Variants in PIEZO2 observed in about 807,000 individuals in gnomAD.
The protein encoded by PIEZO2 is piezo-type mechanosensitive ion channel component 2.
Under a neutral mutation model 337.3 loss-of-function variants are expected in PIEZO2, and 172 were observed. The ratio of observed to expected loss-of-function variants is 0.51; its 90% CI spans 0.45 to 0.58. The LOEUF is 0.58. PIEZO2 is among the 20% of genes least tolerant of loss of function. PIEZO2 has a pLI of 0.00. For synonymous variants in PIEZO2, 1,251 were observed against 1,228.5 expected (o/e 1.02, Z -0.38); for missense variants, 3,028 against 3,391.3 (o/e 0.89, Z 2.66).
At chr18:10,974,210 G>A (rs1274778620) in intron 3 of PIEZO2, among the ~76,000 whole-genome samples, 1 of 152,160 alleles carries the variant, frequency 6.6e-6, no homozygotes, top group Non-Finnish European at 1.5e-5. Context: ...CTTGGCACTG[G>A]GAGCCTTGTG....
chr18:10,917,327 T>A (rs1454716280), intron 3 of PIEZO2, among the ~76,000 whole-genome samples: 1 of 152,176 alleles, frequency 6.6e-6, no homozygotes, highest in Non-Finnish European at 1.5e-5. Context: ...CCCTTCAGTC[T>A]TTCTCCTCCC....
chr18:10,892,374 C>T (rs1189672278), intron 4 of PIEZO2, among the ~76,000 whole-genome samples: 1 of 152,066 alleles, frequency 6.6e-6, no homozygotes, highest in African/African-American at 2.4e-5. Context: ...AAAAGCCAGA[C>T]ACAAAAGGCC....
In PIEZO2 at chr18:11,148,561, T is replaced by C; in HGVS notation, c.28A>G (p.Ile10Val). The C allele has an allele frequency of 6.5e-7, 1 of 1,537,180 alleles. No homozygotes were observed. Among genetic ancestry groups the C allele is most frequent in the Non-Finnish European group, 8.7e-7 (1 of 1,146,894 alleles). The change falls in exon 1 of 56, where the codon ATC becomes GTC. Residue 10 changes from isoleucine (I) to valine (V), a missense_variant. Transcript: ENST00000674853. The surrounding 1 kb of genome is among the most constrained non-coding windows in gnomAD (Gnocchi z 5.2). ...CAGATGGGCAGCAGCAGCCTGAAGA[T>C]GAGCCCGCACACCACTTCTGAGGCC... Reference protein sequence around the residue: MASEVVCGLIFRLLLPICLA... With the variant: MASEVVCGLVFRLLLPICLA...
chr18:10,837,348 T>TGAGAATA lies in PIEZO2; in HGVS notation c.917+17998_917+18004dup, dbSNP rs1262003756. On this transcript the variant is annotated intron_variant, in intron 7 of 55. Coordinates refer to ENST00000674853, the MANE Select transcript of PIEZO2 (RefSeq NM_001378183.1). The surrounding 1 kb of genome is among the most constrained non-coding windows in gnomAD (Gnocchi z 4.4). ...CCTGTGAGGGGAACACAGCATCTTC[T>TGAGAATA]GAGAATACCTTTTCCAACTGCAGCC... Among the ~76,000 whole-genome samples, 2 of 152,210 alleles carry TGAGAATA rather than the reference T, an allele frequency of 1.3e-5. No individual in the cohort carries two copies. Among genetic ancestry groups the TGAGAATA allele is most frequent in the Non-Finnish European group, 2.9e-5 (2 of 68,028 alleles).
At chr18:10,812,068 C>T (rs2040211445) in intron 7 of PIEZO2, among the ~76,000 whole-genome samples, 2 of 152,160 alleles carry the variant, frequency 1.3e-5, no homozygotes, top group Admixed American at 6.5e-5. Flanking sequence ...CTCCTGACCT[C>T]GTGATCTGCC....
At chr18:10,799,675 C>A (rs1238879088) in intron 11 of PIEZO2, among the ~76,000 whole-genome samples, 1 of 152,086 alleles carries the variant, frequency 6.6e-6, no homozygotes, top group Non-Finnish European at 1.5e-5. Context: ...AAAAAAAGGA[C>A]TCTTAAAAAA....
chr18:10,785,091 G>A (rs766241941), intron 16 of PIEZO2, 134 bp from the exon 17 acceptor site: 32 of 929,258 alleles, frequency 3.4e-5, no homozygotes, highest in Non-Finnish European at 4.5e-5. Context: ...CTCCCATATG[G>A]TCCAATATGG....
At position 11,083,697 on chromosome 18, in the gene PIEZO2, AG is replaced by A. The variant is rs1302407998; in HGVS notation, c.65-17476del. ...TTTAGGACACTTAGTAGGAATCCTCAGGCAGAAGACTAAGAAAATTTGCAGA... is the reference window on the plus strand; with the variant it reads ...TTTAGGACACTTAGTAGGAATCCTCAGCAGAAGACTAAGAAAATTTGCAGA... On this transcript the variant is annotated intron_variant, in intron 1 of 55. Coordinates refer to ENST00000674853, the MANE Select transcript of PIEZO2 (RefSeq NM_001378183.1). The surrounding 1 kb of genome is among the most constrained non-coding windows in gnomAD (Gnocchi z 4.4). 6.6e-6 allele frequency among the ~76,000 whole-genome samples: 1 copy of A among 152,208 alleles called. No individual in the cohort carries two copies. The highest frequency in any genetic ancestry group is 2.4e-5 in the African/African-American group (1 of 41,458).
intron 3 of PIEZO2, among the ~76,000 whole-genome samples, chr18:10,944,741 A>C (rs1381371892): frequency 1.3e-5 from 2 of 152,052 alleles, no homozygotes; most frequent in Non-Finnish European, 2.9e-5. Context: ...CTTTCAGCCA[A>C]GATGGGTTAT....
chr18:10,744,663 C>T (rs569253567), intron 30 of PIEZO2, among the ~76,000 whole-genome samples: 1 of 152,254 alleles, frequency 6.6e-6, no homozygotes, highest in East Asian at 1.9e-4. Context: ...ACTGGGGATT[C>T]CTTCAGGGAC....
intron 17 of PIEZO2, among the ~76,000 whole-genome samples, chr18:10,782,408 ATATAT>A (rs1420269502): frequency 4.8e-5 from 3 of 62,422 alleles, no homozygotes; most frequent in African/African-American, 1.4e-4. Flanking sequence ...TAATTATATA[ATATAT>A]TATAATTATA....
chr18:10,962,288 G>A lies in PIEZO2; in HGVS notation c.286+17247C>T, dbSNP rs950003510. ...TCGTAGCCCTTCTCCCATCCATTCT[G>A]CATCTCCCCTCCGCTTGCCTGCAGC... On this transcript the variant is annotated intron_variant, in intron 3 of 55. Coordinates refer to ENST00000674853, the MANE Select transcript of PIEZO2 (RefSeq NM_001378183.1). The surrounding 1 kb of genome is among the most constrained non-coding windows in gnomAD (Gnocchi z 4.1). Among the ~76,000 whole-genome samples the A allele has an allele frequency of 1.3e-5, 2 of 152,140 alleles. No individual in the cohort carries two copies. Among genetic ancestry groups the A allele is most frequent in the Admixed American group, 6.5e-5 (1 of 15,270 alleles).
chr18:10,793,113 G>T (rs143528132), intron 13 of PIEZO2, among the ~76,000 whole-genome samples: 70 of 152,266 alleles, frequency 4.6e-4, no homozygotes, highest in African/African-American at 1.6e-3. Context: ...AAAAAAATTA[G>T]CTGGGCGTGG....
Position 11,149,381 on chromosome 18 carries a change from G to T in PIEZO2, c.-793C>A, listed in dbSNP as rs2040896247. Among the ~76,000 whole-genome samples the T allele has an allele frequency of 6.6e-6, 1 of 152,094 alleles. No individual in the cohort carries two copies. Among genetic ancestry groups the T allele is most frequent in the South Asian group, 2.1e-4 (1 of 4,828 alleles). ...CGAAGGAACGGCGCGAGCGTGGGGA[G>T]AAATGGAGACCAGAGCGCATATCGG... On this transcript the variant is annotated 5_prime_UTR_variant, in exon 1 of 56. Coordinates refer to ENST00000674853, the MANE Select transcript of PIEZO2 (RefSeq NM_001378183.1). The surrounding 1 kb of genome is among the most constrained non-coding windows in gnomAD (Gnocchi z 8.7).
chr18:11,063,337 T>C (rs546439368), intron 2 of PIEZO2, among the ~76,000 whole-genome samples: 1,578 of 151,296 alleles, frequency 0.01, 23 homozygotes, highest in Non-Finnish European at 0.014. Flanking sequence ...TGTTAAATGA[T>C]GAGTTAATGG....
At chr18:10,887,462 C>A (rs1007232812) in intron 4 of PIEZO2, among the ~76,000 whole-genome samples, 2 of 152,166 alleles carry the variant, frequency 1.3e-5, no homozygotes, top group African/African-American at 4.8e-5. Context: ...GACCCAAACA[C>A]CTCCCACCAG....
intron 39 of PIEZO2, among the ~76,000 whole-genome samples, chr18:10,714,114 T>C (rs2035920858): frequency 6.6e-6 from 1 of 152,120 alleles, no homozygotes; most frequent in South Asian, 2.1e-4. Context: ...TTTCTTAATC[T>C]CCCTGTAACC....
chr18:11,108,853 C>T (rs1272930149), intron 1 of PIEZO2, among the ~76,000 whole-genome samples: 1 of 152,040 alleles, frequency 6.6e-6, no homozygotes, highest in Non-Finnish European at 1.5e-5. Flanking sequence ...CACACGGTCC[C>T]TCCAGCACAT....
intron 5 of PIEZO2, among the ~76,000 whole-genome samples, chr18:10,858,320 CCAAAAAA>C (rs1391472711): frequency 2.2e-5 from 1 of 46,286 alleles, no homozygotes; most frequent in African/African-American, 1.1e-4. Flanking sequence ...AGACTTCAAC[CCAAAAAA>C]AAAAAAAAAA....
Sources: gnomAD v4.1 joint callset for allele counts (sites outside exome capture counted in the v4.1 genomes callset) on GRCh38, gnomAD v4.1.1 for gene constraint, Gnocchi (gnomAD v3.1) non-coding constraint, MANE v1.5 for transcripts, NCBI Gene and HGNC (gene_info 2026-07-23, HGNC 2026-07-21) for gene names.